The following MZF1 variants were observed in gnomAD, a reference collection of about 807,000 sequenced individuals.
MZF1 encodes myeloid zinc finger 1.
MZF1 carries 24 observed loss-of-function variants against 28.6 expected under a neutral mutation model. The observed-to-expected ratio is 0.84, with a 90% CI of 0.61 to 1.18. The LOEUF (loss-of-function observed/expected upper bound fraction) is 1.18. Ranked by LOEUF, MZF1 falls within the 50% of genes most tolerant of loss-of-function variation. The pLI is 0.00. For missense variants in MZF1, 1,166 were observed against 1,026.4 expected (o/e 1.14, Z -1.86); for synonymous variants, 516 against 432.5 (o/e 1.19, Z -2.40).
rs1464058025 is a variant in MZF1 at position 58,562,581 on chromosome 19, C to T, written c.1696G>A (p.Glu566Lys). The T allele has an allele frequency of 3.8e-6, 6 of 1,592,796 alleles. No individual in the cohort carries two copies. The highest frequency in any genetic ancestry group is 1.3e-5 in the African/African-American group (1 of 74,634). ...LTQHRRIHTG[E>K]RPFACAECGK... ...CACTCGGCGCAGGCGAAGGGCCGCT[C>T]CCCGGTGTGGATGCGCCGGTGCTGC... The change falls in exon 6 of 6, where the codon GAG becomes AAG. Residue 566 changes from glutamate to lysine, a missense_variant. Transcript: ENST00000215057.
At chr19:58,570,895 A>G in intron 2 of MZF1, 99 bp downstream of exon 2, 1 of 1,357,720 alleles carries the variant, frequency 7.4e-7, no homozygotes, top group Non-Finnish European at 1.0e-6. Context: ...TCTGTACCAC[A>G]AGGGAGAACG....
Position 58,562,270 on chromosome 19 carries a change from G to T in MZF1, c.2007C>A (p.Thr669=). ...CACCCGTGTGGATGCGCCGGTGCTGGGTGAGGTTGGCGTGCTGCCGAAAGC... is the reference window on the plus strand; with the variant it reads ...CACCCGTGTGGATGCGCCGGTGCTGTGTGAGGTTGGCGTGCTGCCGAAAGC... ...GQSFRQHANL[T]QHRRIHTGER... is the part of the protein sequence containing the mutation. The change falls in exon 6 of 6, where the codon ACC becomes ACA. Residue 669 remains threonine, a synonymous_variant. Coordinates refer to ENST00000215057, the MANE Select transcript of MZF1 (RefSeq NM_198055.2). The T allele has an allele frequency of 6.3e-7, 1 of 1,593,412 alleles. No homozygotes were observed. The highest frequency in any genetic ancestry group is 1.1e-5 in the South Asian group (1 of 89,772).
In MZF1 at chr19:58,570,448, TCA is replaced by T; in HGVS notation, c.474_475del (p.Glu159AlafsTer13). ...GGGCCCAGGCTCTGGAGTTGGAGGC[TCA>T]GTTTCAGGTAGGGGCTGGAAACTGG... On this transcript the variant is annotated frameshift_variant, in exon 3 of 6. Transcript: ENST00000215057. LOFTEE classifies it high-confidence loss of function. 1.2e-6 allele frequency: 2 copies of T among 1,613,912 alleles called. No homozygotes were observed. Among genetic ancestry groups the T allele is most frequent in the Non-Finnish European group, 1.7e-6 (2 of 1,179,880 alleles).
chr19:58,569,368 A>C lies in MZF1; in HGVS notation c.681T>G (p.Phe227Leu), dbSNP rs1434267396. 2 of 1,613,946 alleles carry C rather than the reference A, an allele frequency of 1.2e-6. No individual in the cohort carries two copies. Among genetic ancestry groups the C allele is most frequent in the Non-Finnish European group, 1.7e-6 (2 of 1,179,944 alleles). ...CCTCAGGCCCAGTCTTGCTGTGGGG[A>C]AAGATCTGGTCCAGCACGGTCCCAC... ...QRCGTVLDQI[F>L]PHSKTGPEGP... The change falls in exon 5 of 6, where the codon TTT becomes TTG. Residue 227 changes from phenylalanine to leucine, a missense_variant. By Grantham distance (22) the Phe-to-Leu change is conservative. Transcript: ENST00000215057.
In MZF1 at chr19:58,562,155, G is replaced by C. The variant is rs1020888598; in HGVS notation, c.2122C>G (p.Pro708Ala). ...QHLRTHRREK[P>A]FACQDCGRRF... ...CGGCCACAGTCCTGGCAGGCGAAGGGCTTCTCTCGTCGGTGGGTGCGCAGA... is the reference window on the plus strand; with the variant it reads ...CGGCCACAGTCCTGGCAGGCGAAGGCCTTCTCTCGTCGGTGGGTGCGCAGA... The change falls in exon 6 of 6, where the codon CCC becomes GCC. Residue 708 changes from proline to alanine, a missense_variant. Coordinates refer to ENST00000215057, the MANE Select transcript of MZF1 (RefSeq NM_198055.2). 4.4e-6 allele frequency: 7 copies of C among 1,593,156 alleles called. No homozygotes were observed. The highest frequency in any genetic ancestry group is 1.8e-5 in the Admixed American group (1 of 56,196).
rs1600097840 is a variant in MZF1, at chr19:58,563,396, G to T, written c.881C>A (p.Ser294Ter). 6.3e-7 allele frequency: 1 copy of T among 1,599,180 alleles called. No individual in the cohort carries two copies. The highest frequency in any genetic ancestry group is 2.3e-5 in the East Asian group (1 of 44,182). Residue 294 changes from serine (S) to a stop codon, truncating the protein, a stop_gained, in exon 6 of 6, where the codon TCA becomes TAA. Transcript: ENST00000215057. LOFTEE classifies it low-confidence loss of function (END_TRUNC). ...CGCAAAGCCACCTTCGCGGGAGGGT[G>T]ATTGGATCTGGCCAGAAAGGCCAGC... ...GMAGLSGQIQ[S>*]PSREGGFAHA...
At position 58,562,521 on chromosome 19, in the gene MZF1, G is replaced by C. The variant is rs546748820; in HGVS notation, c.1756C>G (p.Gln586Glu). 6.8e-6 allele frequency: 11 copies of C among 1,609,680 alleles called. No individual in the cohort carries two copies. In the East Asian group the frequency reaches 1.3e-4, roughly 20 times the overall value. Reference sequence around the variant, plus strand: ...TCGCCCGTGTGTACGCGGAGATGCTGCGTGAGCGTAGGCCGCTGGCGGAAG... The same window carrying C: ...TCGCCCGTGTGTACGCGGAGATGCTCCGTGAGCGTAGGCCGCTGGCGGAAG... ...KAFRQRPTLT[Q>E]HLRVHTGEKP... Residue 586 changes from glutamine (Q) to glutamate (E), a missense_variant, in exon 6 of 6, where the codon CAG (glutamine) becomes GAG (glutamate). Physicochemically the swap from Gln to Glu is conservative, Grantham distance 29. Transcript: ENST00000215057.
intron 5 of MZF1, among the ~76,000 whole-genome samples, chr19:58,566,851 G>C (rs941454705): frequency 4.0e-5 from 6 of 151,190 alleles, no homozygotes; most frequent in Admixed American, 3.3e-4. Context: ...TAAATAGATA[G>C]ATAGATAAAC....
Position 58,566,800 on chromosome 19 carries a change from C to A in MZF1, c.772+2477G>T, listed in dbSNP as rs144458517. ...ACCAGCCTGGGCAAAACAGCAAAAC[C>A]CTGTCCTTTAAATAAATAAAGCAAG... is the stretch of plus-strand genomic sequence containing the variant. On this transcript the variant is annotated intron_variant, in intron 5 of 5. Transcript: ENST00000215057. Among the ~76,000 whole-genome samples the A allele has an allele frequency of 2.9e-3, 448 of 152,210 alleles. 3 individuals are homozygous for A. Among genetic ancestry groups the A allele is most frequent in the African/African-American group, 1.0e-2 (414 of 41,498 alleles).
chr19:58,566,501 A>G (rs948427709), intron 5 of MZF1, among the ~76,000 whole-genome samples: 3 of 152,158 alleles, frequency 2.0e-5, no homozygotes, highest in Non-Finnish European at 4.4e-5. Context: ...TTGCTTCTGT[A>G]TGTACAGAAT....
chr19:58,567,123 G>A (rs1333617053), intron 5 of MZF1, among the ~76,000 whole-genome samples: 1 of 152,144 alleles, frequency 6.6e-6, no homozygotes, highest in Non-Finnish European at 1.5e-5. Flanking sequence ...GCCCAGGATG[G>A]TCTCGAACTC....
chr19:58,562,638 C>G lies in MZF1; in HGVS notation c.1639G>C (p.Gly547Arg), dbSNP rs751000908. The G allele has an allele frequency of 6.4e-7, 1 of 1,559,078 alleles. No homozygotes were observed. The change falls in exon 6 of 6, where the codon GGC becomes CGC. Residue 547 changes from glycine to arginine, a missense_variant. Coordinates refer to ENST00000215057, the MANE Select transcript of MZF1 (RefSeq NM_198055.2). ...GERPFACAEC[G>R]QSFRQRSNLT... is the part of the protein sequence containing the mutation. Reference sequence around the variant, plus strand: ...TTGGAGCGCTGCCGGAAGCTCTGGCCGCACTCGGCACAGGCGAAGGGCCGC... The same window carrying G: ...TTGGAGCGCTGCCGGAAGCTCTGGCGGCACTCGGCACAGGCGAAGGGCCGC...
chr19:58,562,589 T>G lies in MZF1; in HGVS notation c.1688A>C (p.His563Pro). The G allele has an allele frequency of 6.3e-7, 1 of 1,589,174 alleles. No individual in the cohort carries two copies. The highest frequency in any genetic ancestry group is 8.5e-7 in the Non-Finnish European group (1 of 1,170,878). The change falls in exon 6 of 6, where the codon CAC becomes CCC. Residue 563 changes from histidine (H) to proline (P), a missense_variant. Transcript: ENST00000215057. ...GCAGGCGAAGGGCCGCTCCCCGGTG[T>G]GGATGCGCCGGTGCTGCGTCAGGTT... ...RSNLTQHRRI[H>P]TGERPFACAE...
At chr19:58,571,496 G>A in intron 1 of MZF1, 67 bp from the exon 2 acceptor site, 1 of 1,401,160 alleles carries the variant, frequency 7.1e-7, no homozygotes, top group Non-Finnish European at 9.7e-7. Context: ...CCTAGTCTAT[G>A]CTGTACCGTT....
In MZF1 at chr19:58,569,592, G is replaced by C. The variant is rs1384410040; in HGVS notation, c.581-6C>G. 2 of 1,595,856 alleles carry C rather than the reference G, an allele frequency of 1.3e-6. No individual in the cohort carries two copies. Among genetic ancestry groups the C allele is most frequent in the Non-Finnish European group, 1.7e-6 (2 of 1,169,268 alleles). On this transcript the variant is annotated splice_polypyrimidine_tract_variant and splice_region_variant and intron_variant, in intron 3 of 5. Transcript: ENST00000215057. ...AGGCCCAGACTCCAGGAAATCTAGA[G>C]AGGAAAACTGGTATCAGGCAGCCTG...
chr19:58,563,775 C>G (rs1342235217), intron 5 of MZF1: 3 of 381,464 alleles, frequency 7.9e-6, no homozygotes, highest in Non-Finnish European at 1.4e-5. Flanking sequence ...TTTGGAAGGG[C>G]TGTAGGGCAA....
chr19:58,565,233 T>G (rs1166790563), intron 5 of MZF1, among the ~76,000 whole-genome samples: 2 of 151,920 alleles, frequency 1.3e-5, no homozygotes, highest in African/African-American at 4.8e-5. Flanking sequence ...TAGCTGGGAT[T>G]ACAGGCATGC....
rs764621385 is a variant in MZF1, at chr19:58,562,143, G to C, written c.2134C>G (p.Gln712Glu). The change falls in exon 6 of 6, where the codon CAG becomes GAG. Residue 712 changes from glutamine (Q) to glutamate (E), a missense_variant. Transcript: ENST00000215057. ...TGGTGGAAGCGGCGGCCACAGTCCT[G>C]GCAGGCGAAGGGCTTCTCTCGTCGG... Reference protein sequence around the residue: ...THRREKPFACQDCGRRFHQST... With the variant: ...THRREKPFACEDCGRRFHQST... 1.3e-6 allele frequency: 2 copies of C among 1,592,174 alleles called. No homozygotes were observed. The highest frequency in any genetic ancestry group is 1.1e-5 in the South Asian group (1 of 89,198).
rs983954504 is a variant in MZF1 at position 58,571,138 on chromosome 19, C to T, written c.252G>A (p.Leu84=). The T allele has an allele frequency of 1.9e-6, 3 of 1,614,136 alleles. No individual in the cohort carries two copies. The highest frequency in any genetic ancestry group is 3.3e-5 in the Admixed American group (2 of 60,026). Reference sequence around the variant, plus strand: ...GGAACTGCTCCAGCACCAACAGCTCCAGCATCTGCTCCTTGGAGCGTACCT... The same window carrying T: ...GGAACTGCTCCAGCACCAACAGCTCTAGCATCTGCTCCTTGGAGCGTACCT... The part of the protein sequence containing the change: ...RPEVRSKEQM[L]ELLVLEQFLG... The change falls in exon 2 of 6, where the codon CTG becomes CTA. Residue 84 remains leucine (L), a synonymous_variant. Transcript: ENST00000215057.
Sources: gnomAD v4.1 joint callset for allele counts (sites outside exome capture counted in the v4.1 genomes callset) on GRCh38, gnomAD v4.1.1 for gene constraint, MANE v1.5 for transcripts, NCBI Gene and HGNC (gene_info 2026-07-23, HGNC 2026-07-21) for gene names.